The following ASF1B variants were observed in gnomAD, a reference collection of about 807,000 sequenced individuals.
The protein encoded by ASF1B is anti-silencing function 1B histone chaperone.
Under a neutral mutation model 16.6 loss-of-function variants are expected in ASF1B, and 10 were observed. That is an observed-to-expected ratio of 0.60 (90% CI 0.37 to 1.02). The LOEUF (loss-of-function observed/expected upper bound fraction) is 1.02, where lower values mean the gene tolerates loss of function less well. Among genes scored for constraint, ASF1B ranks in the 50% least tolerant of loss-of-function variants. The pLI, the probability that ASF1B is intolerant of heterozygous loss-of-function variation, is 0.01. For synonymous variants in ASF1B, 101 were observed against 106.2 expected (o/e 0.95, Z 0.30); for missense variants, 240 against 266.0 (o/e 0.90, Z 0.68).
At chr19:14,121,832 T>TG in intron 2 of ASF1B, 124 bp from the exon 3 acceptor site, 1 of 903,086 alleles carries the variant, frequency 1.1e-6, no homozygotes, top group Non-Finnish European at 1.6e-6. Context: ...TCAGTTTTCT[T>TG]TTTTTTACTT....
chr19:14,136,565 C>G lies in ASF1B; in HGVS notation c.-109G>C. The G allele has an allele frequency of 1.2e-6, 1 of 819,650 alleles. No individual in the cohort carries two copies. The highest frequency in any genetic ancestry group is 1.9e-6 in the Non-Finnish European group (1 of 532,266). The allele number at this position is 819,650 out of a possible 1,614,324, so 50.8% of individuals were successfully genotyped here. On this transcript the variant is annotated 5_prime_UTR_variant, in exon 1 of 4. Transcript: ENST00000263382. ...TAGGGCTGACCAGGTCCACTCCCGC[C>G]TCTTCTCTCCGAGAACTGAAGTGCG... is the stretch of plus-strand genomic sequence containing the variant.
chr19:14,126,219 A>G lies in ASF1B; in HGVS notation c.128T>C (p.Ile43Thr). The change falls in exon 2 of 4, where the codon ATT becomes ACT. Residue 43 changes from isoleucine to threonine, a missense_variant. Physicochemically the swap from Ile to Thr is moderately conservative, Grantham distance 89 (BLOSUM62 -1). Coordinates refer to ENST00000263382, the MANE Select transcript of ASF1B (RefSeq NM_018154.3). ...CTCACTCTCAGCCGAGCCAACATAAATGATCTTCCACTCCAGGTCTGCAAA... is the reference window on the plus strand; with the variant it reads ...CTCACTCTCAGCCGAGCCAACATAAGTGATCTTCCACTCCAGGTCTGCAAA... ...ALADDLEWKI[I>T]YVGSAESEEF... The G allele has an allele frequency of 6.2e-7, 1 of 1,613,006 alleles. No homozygotes were observed. Among genetic ancestry groups the G allele is most frequent in the Non-Finnish European group, 8.5e-7 (1 of 1,179,884 alleles).
rs1967237653 is a variant in ASF1B, at chr19:14,121,568, C to T, written c.366G>A (p.Leu122=). 2.5e-6 allele frequency: 4 copies of T among 1,613,992 alleles called. No homozygotes were observed. The highest frequency in any genetic ancestry group is 3.4e-6 in the Non-Finnish European group (4 of 1,179,986). Residue 122 remains leucine, a synonymous_variant, in exon 3 of 4, where the codon CTG becomes CTA. Coordinates refer to ENST00000263382, the MANE Select transcript of ASF1B (RefSeq NM_018154.3). ...CTGGCTTCATGGGCGGGTTCTCACG[C>T]AGCTCAGGGTTGAGGTACTCGTTGT... ...YVNNEYLNPE[L]RENPPMKPDF...
At chr19:14,136,028 G>A (rs1003645675) in intron 1 of ASF1B, among the ~76,000 whole-genome samples, 15 of 151,854 alleles carry the variant, frequency 9.9e-5, no homozygotes, top group African/African-American at 3.1e-4. Flanking sequence ...GGGCTTGGAG[G>A]GGGTTAATCT....
At chr19:14,135,670 C>T (rs978477366) in intron 1 of ASF1B, among the ~76,000 whole-genome samples, 2 of 151,906 alleles carry the variant, frequency 1.3e-5, no homozygotes, top group Non-Finnish European at 2.9e-5. Flanking sequence ...AAAAAGGTTA[C>T]TGGAGGGGAG....
At chr19:14,129,333 A>G (rs1333444010) in intron 1 of ASF1B, among the ~76,000 whole-genome samples, 2 of 152,108 alleles carry the variant, frequency 1.3e-5, no homozygotes, top group Non-Finnish European at 2.9e-5. Flanking sequence ...CCAGGGCTGG[A>G]AAGAAACTGG....
chr19:14,130,501 T>A (rs1360594525), intron 1 of ASF1B, among the ~76,000 whole-genome samples: 5 of 147,032 alleles, frequency 3.4e-5, no homozygotes, highest in Non-Finnish European at 6.0e-5. Context: ...ACACCCTATC[T>A]CTTTAAAAAA....
chr19:14,135,041 T>C (rs1423064792), intron 1 of ASF1B, among the ~76,000 whole-genome samples: 1 of 151,606 alleles, frequency 6.6e-6, no homozygotes, highest in Admixed American at 6.6e-5. Context: ...CTGGCTAACA[T>C]GGTGAAACGC....
intron 1 of ASF1B, among the ~76,000 whole-genome samples, chr19:14,129,021 TA>T (rs1326995986): frequency 6.6e-6 from 1 of 152,136 alleles, no homozygotes; most frequent in African/African-American, 2.4e-5. Context: ...CGGCAAAACC[TA>T]AACAAAGAGC....
At position 14,120,367 on chromosome 19, in the gene ASF1B, G is replaced by T; in HGVS notation, c.*92C>A. 1 of 1,282,990 alleles carries T rather than the reference G, an allele frequency of 7.8e-7. No individual in the cohort carries two copies. The highest frequency in any genetic ancestry group is 1.1e-6 in the Non-Finnish European group (1 of 918,260). 79.5% of individuals were successfully genotyped at this position (1,282,990 alleles called of 1,614,324 possible). A position where few individuals can be genotyped will look rare whatever the true frequency, so the allele number is the denominator to read the frequency against. On this transcript the variant is annotated 3_prime_UTR_variant, in exon 4 of 4. Transcript: ENST00000263382. ...TTGACAGACCTGGATTGCAGCTGAT[G>T]GCCCCCAAAGTCCTCTAGATGGGCC... is the stretch of plus-strand genomic sequence containing the variant.
Position 14,120,327 on chromosome 19 carries a change from TC to T in ASF1B, c.*131del. 1 of 862,606 alleles carries T rather than the reference TC, an allele frequency of 1.2e-6. No individual in the cohort carries two copies. Among genetic ancestry groups the T allele is most frequent in the Non-Finnish European group, 1.8e-6 (1 of 559,412 alleles). 53.4% of individuals were successfully genotyped at this position (862,606 alleles called of 1,614,324 possible). On this transcript the variant is annotated 3_prime_UTR_variant, in exon 4 of 4. Transcript: ENST00000263382. ...TAGGGGAGACCCAAGGCCTGTTCTTTCCTAGGGGCTGAGTTTGACAGACCTG... is the reference window on the plus strand; with the variant it reads ...TAGGGGAGACCCAAGGCCTGTTCTTTCTAGGGGCTGAGTTTGACAGACCTG...
At chr19:14,130,148 T>C (rs1967380064) in intron 1 of ASF1B, among the ~76,000 whole-genome samples, 1 of 151,778 alleles carries the variant, frequency 6.6e-6, no homozygotes. Flanking sequence ...AAGCTCCGCC[T>C]CCCGGGTTCA....
intron 2 of ASF1B, among the ~76,000 whole-genome samples, chr19:14,122,561 TG>T (rs1338619889): frequency 6.6e-6 from 1 of 151,762 alleles, no homozygotes; most frequent in East Asian, 1.9e-4. Context: ...GGTTTCTCCA[TG>T]TTGCCCAGGC....
At chr19:14,128,138 A>G (rs1289351037) in intron 1 of ASF1B, among the ~76,000 whole-genome samples, 1 of 152,124 alleles carries the variant, frequency 6.6e-6, no homozygotes, top group Non-Finnish European at 1.5e-5. Flanking sequence ...GAGGCTTGAA[A>G]CTTATTTTTG....
At chr19:14,131,186 TTTC>T (rs1336567331) in intron 1 of ASF1B, among the ~76,000 whole-genome samples, 1 of 150,862 alleles carries the variant, frequency 6.6e-6, no homozygotes, top group Non-Finnish European at 1.5e-5. Flanking sequence ...CCATTTTTTT[TTTC>T]TTTTTTTTTT....
chr19:14,126,390 C>T (rs1041778013), intron 1 of ASF1B, among the ~76,000 whole-genome samples, 153 bp from the exon 2 acceptor site: 3 of 151,962 alleles, frequency 2.0e-5, no homozygotes, highest in South Asian at 4.2e-4. Flanking sequence ...CTGCAACTTC[C>T]GCCTCCCAGG....
chr19:14,124,989 CAG>C (rs1967296477), intron 2 of ASF1B, among the ~76,000 whole-genome samples: 2 of 152,174 alleles, frequency 1.3e-5, no homozygotes, highest in South Asian at 4.1e-4. Context: ...TTTTCTGAGA[CAG>C]AGTATCGCTG....
chr19:14,121,100 G>A (rs967091171), intron 3 of ASF1B, among the ~76,000 whole-genome samples: 7 of 151,222 alleles, frequency 4.6e-5, no homozygotes, highest in African/African-American at 1.2e-4. Flanking sequence ...GGATTACAAC[G>A]CGTGAGCCAC....
chr19:14,120,793 A>C, intron 3 of ASF1B, 128 bp from the exon 4 acceptor site: 1 of 722,446 alleles, frequency 1.4e-6, no homozygotes, highest in Admixed American at 2.9e-5. Flanking sequence ...TCCAGAAAAC[A>C]CCTGTGGCCA....
Sources: gnomAD v4.1 joint callset for allele counts (sites outside exome capture counted in the v4.1 genomes callset) on GRCh38, gnomAD v4.1.1 for gene constraint, MANE v1.5 for transcripts, NCBI Gene and HGNC (gene_info 2026-07-23, HGNC 2026-07-21) for gene names.